Variants in OTOGL observed in about 807,000 individuals in gnomAD.
The protein encoded by OTOGL is otogelin like.
Under a neutral mutation model 318.5 loss-of-function variants are expected in OTOGL, and 285 were observed. The observed-to-expected ratio is 0.89, with a 90% CI of 0.81 to 0.99. The LOEUF is 0.99. Ranked by LOEUF, OTOGL falls within the 50% of genes least tolerant of loss-of-function variation. OTOGL has a pLI of 0.00. For synonymous variants in OTOGL, 987 were observed against 936.5 expected (o/e 1.05, Z -0.99); for missense variants, 2,899 against 2,845.6 (o/e 1.02, Z -0.43).
chr12:80,147,405 C>T (rs925830879), intron 1 of OTOGL, among the ~76,000 whole-genome samples: 32 of 150,636 alleles, frequency 2.1e-4, no homozygotes, highest in African/African-American at 7.4e-4. Context: ...TTTGATTGCA[C>T]TGTGGTCTGA....
chr12:80,120,175 T>C (rs1870405377), intron 1 of OTOGL, among the ~76,000 whole-genome samples: 1 of 152,132 alleles, frequency 6.6e-6, no homozygotes, highest in Non-Finnish European at 1.5e-5. Flanking sequence ...ATGGGGTAGC[T>C]GGGGTGATAG....
At chr12:80,160,247 A>G (rs1233622389) in intron 1 of OTOGL, among the ~76,000 whole-genome samples, 1 of 152,090 alleles carries the variant, frequency 6.6e-6, no homozygotes, top group African/African-American at 2.4e-5. Flanking sequence ...GGTGGGACTT[A>G]ATTAAACTAA....
At chr12:80,299,622 A>C (rs1283237314) in intron 27 of OTOGL, among the ~76,000 whole-genome samples, 1 of 151,546 alleles carries the variant, frequency 6.6e-6, no homozygotes, top group Non-Finnish European at 1.5e-5. Flanking sequence ...AAAAAAAAAA[A>C]AACCACCTCT....
Position 80,379,529 on chromosome 12 carries a change from AG to A in OTOGL, c.*1482del, listed in dbSNP as rs1336212489. The stretch of plus-strand genomic sequence containing the variant: ...ATTTATCCTGTTTGTGCTTAATATA[AG>A]TGTTCCTGAGATGTTAACATTTCAA... On this transcript the variant is annotated 3_prime_UTR_variant, in exon 59 of 59. Coordinates refer to ENST00000547103, the MANE Select transcript of OTOGL (RefSeq NM_001378609.3). The A allele has an allele frequency of 6.6e-6, 1 of 151,824 alleles. No homozygotes were observed. Among genetic ancestry groups the A allele is most frequent in the African/African-American group, 2.4e-5 (1 of 41,406 alleles). 9.4% of individuals were successfully genotyped at this position (151,824 alleles called of 1,614,324 possible).
Position 80,299,966 on chromosome 12 carries a change from A to G in OTOGL, c.3064-2668A>G, listed in dbSNP as rs549453985. Among the ~76,000 whole-genome samples the G allele has an allele frequency of 1.5e-4, 23 of 152,346 alleles. No individual in the cohort carries two copies. In the South Asian group the frequency reaches 4.8e-3, roughly 32 times the overall value. On this transcript the variant is annotated intron_variant, in intron 27 of 58. Transcript: ENST00000547103. The stretch of plus-strand genomic sequence containing the variant: ...AAAATGAAGGATTTTATGTCTAAAG[A>G]CAAGTAGAAAAGATGTGCTTTTGTA...
At chr12:80,228,028 G>A (rs926231089) in intron 7 of OTOGL, among the ~76,000 whole-genome samples, 4 of 152,100 alleles carry the variant, frequency 2.6e-5, no homozygotes, top group East Asian at 1.9e-4. Context: ...AGTTTTGTCC[G>A]CTCTGTTGAC....
At chr12:80,330,763 CAT>C (rs1888017740) in intron 37 of OTOGL, among the ~76,000 whole-genome samples, 1 of 152,168 alleles carries the variant, frequency 6.6e-6, no homozygotes, top group South Asian at 2.1e-4. Context: ...TTAGCAATAT[CAT>C]ATGAGTTCAG....
chr12:80,287,741 AT>A (rs1407761537), intron 26 of OTOGL, among the ~76,000 whole-genome samples: 1 of 150,396 alleles, frequency 6.6e-6, no homozygotes, highest in African/African-American at 2.4e-5. Flanking sequence ...TTTGCTTTCC[AT>A]TTGCTTGATA....
rs140581396 is a variant in OTOGL at position 80,278,307 on chromosome 12, T to G, written c.2789+32T>G. ...AGATCCATTTATTTCACAAATATTT[T>G]CCTAAGTAATTGTGTAAATTTCAAT... On this transcript the variant is annotated intron_variant, in intron 25 of 58. Coordinates refer to ENST00000547103, the MANE Select transcript of OTOGL (RefSeq NM_001378609.3). The G allele has an allele frequency of 2.8e-6, 4 of 1,420,390 alleles. No individual in the cohort carries two copies. The East Asian group carries it at 1.0e-4, about 35-fold the overall frequency. 88.0% of individuals were successfully genotyped at this position (1,420,390 alleles called of 1,614,324 possible). A position where few individuals can be genotyped will look rare whatever the true frequency, so the allele number is the denominator to read the frequency against.
intron 29 of OTOGL, among the ~76,000 whole-genome samples, chr12:80,308,656 C>T (rs1344108690): frequency 2.6e-5 from 4 of 152,184 alleles, no homozygotes; most frequent in Non-Finnish European, 5.9e-5. Context: ...GATCAGGCCA[C>T]TGCACTCCAG....
rs1012314639 is a variant in OTOGL at position 80,251,950 on chromosome 12, T to A, written c.1160-126T>A. ...ACTTGCATACTTTTTGAAACAAGTA[T>A]GCAATTTTTTTGCAATTAAAAGTTA... is the stretch of plus-strand genomic sequence containing the variant. On this transcript the variant is annotated intron_variant, in intron 12 of 58. Transcript: ENST00000547103. 5 of 1,110,372 alleles carry A rather than the reference T, an allele frequency of 4.5e-6. No homozygotes were observed. In the East Asian group the frequency reaches 1.2e-4, roughly 28 times the overall value. 68.8% of individuals were successfully genotyped at this position (1,110,372 alleles called of 1,614,324 possible). A position where few individuals can be genotyped will look rare whatever the true frequency, so the allele number is the denominator to read the frequency against.
At chr12:80,321,430 A>G (rs1032862885) in intron 34 of OTOGL, among the ~76,000 whole-genome samples, 1 of 152,166 alleles carries the variant, frequency 6.6e-6, no homozygotes, top group Non-Finnish European at 1.5e-5. Flanking sequence ...CCTTCTAATA[A>G]TAGATTTTAA....
Position 80,145,398 on chromosome 12 carries a change from T to G in OTOGL, c.-20+45793T>G, listed in dbSNP as rs554728113. Among the ~76,000 whole-genome samples, 5 of 152,098 alleles carry G rather than the reference T, an allele frequency of 3.3e-5. No homozygotes were observed. In the South Asian group the frequency reaches 1.0e-3, roughly 32 times the overall value. On this transcript the variant is annotated intron_variant, in intron 1 of 58. Transcript: ENST00000547103. ...TGCGGCGTTATTTCTGAGGGCTCTG[T>G]TCTGTTCCATTGATCTATATCTCTG...
rs759695548 is a variant in OTOGL at position 80,318,615 on chromosome 12, C to G, written c.3704C>G (p.Thr1235Ser). 17 of 1,460,956 alleles carry G rather than the reference C, an allele frequency of 1.2e-5. No homozygotes were observed. The highest frequency in any genetic ancestry group is 1.4e-5 in the Non-Finnish European group (16 of 1,107,100). 90.5% of individuals were successfully genotyped at this position (1,460,956 alleles called of 1,614,324 possible). A position where few individuals can be genotyped will look rare whatever the true frequency, so the allele number is the denominator to read the frequency against. The change falls in exon 33 of 59, where the codon ACC becomes AGC. Residue 1235 changes from threonine to serine, a missense_variant. Around this residue, in one of 3 missense-constraint regions of OTOGL, gnomAD observed 2,607 missense variants for 2,524.9 expected, o/e 1.03. Coordinates refer to ENST00000547103, the MANE Select transcript of OTOGL (RefSeq NM_001378609.3). ...QSGLVLGANM[T>S]SRSVFCLPRS... Reference sequence around the variant, plus strand: ...GGCCTTGTTCTGGGGGCCAATATGACCAGCAGAAGCGTTTTCTGTTTGCCG... The same window carrying G: ...GGCCTTGTTCTGGGGGCCAATATGAGCAGCAGAAGCGTTTTCTGTTTGCCG...
chr12:80,351,302 T>C (rs1566005938), intron 44 of OTOGL, among the ~76,000 whole-genome samples: 1 of 149,164 alleles, frequency 6.7e-6, no homozygotes, highest in African/African-American at 2.5e-5. Context: ...TTTTTTTTTT[T>C]TTTTGTTGTT....
intron 1 of OTOGL, among the ~76,000 whole-genome samples, chr12:80,180,927 A>C (rs1874877728): frequency 6.6e-6 from 1 of 152,168 alleles, no homozygotes; most frequent in Non-Finnish European, 1.5e-5. Context: ...TTGGAGGAAG[A>C]GTTATCAGTA....
intron 35 of OTOGL, among the ~76,000 whole-genome samples, chr12:80,326,006 T>A (rs1478957302): frequency 6.6e-6 from 1 of 152,192 alleles, no homozygotes; most frequent in Non-Finnish European, 1.5e-5. Flanking sequence ...AGACTCACGA[T>A]GAAACTTCGC....
intron 35 of OTOGL, among the ~76,000 whole-genome samples, chr12:80,326,304 A>C (rs1887676123): frequency 6.6e-6 from 1 of 152,064 alleles, no homozygotes. Context: ...CATACCATAG[A>C]GCACATATGT....
chr12:80,216,466 A>G (rs1404172449), intron 4 of OTOGL, among the ~76,000 whole-genome samples: 1 of 152,200 alleles, frequency 6.6e-6, no homozygotes, highest in Non-Finnish European at 1.5e-5. Flanking sequence ...ATAATAATCC[A>G]CAATTGATTA....
Sources: allele counts gnomAD v4.1 joint callset (sites outside exome capture counted in the v4.1 genomes callset), GRCh38; gene constraint gnomAD v4.1.1; regional missense constraint gnomAD v4.1.1; transcripts MANE v1.5; gene names NCBI Gene and HGNC (gene_info 2026-07-23, HGNC 2026-07-21).